UPF2: variants seen among roughly 807,000 people sequenced by gnomAD.
UPF2 encodes the protein regulator of nonsense transcripts 2.
In UPF2, 17 loss-of-function variants were observed where a neutral mutation model predicts 141.4. That is an observed-to-expected ratio of 0.12 (90% CI 0.08 to 0.18). The LOEUF is 0.18. UPF2 is among the 10% of genes least tolerant of loss of function. The pLI, the probability that UPF2 is intolerant of heterozygous loss-of-function variation, is 1.00. For synonymous variants in UPF2, 540 were observed against 498.0 expected, an observed-to-expected ratio of 1.08 and a Z score of -1.12; for missense variants, 1,152 against 1,515.9, an observed-to-expected ratio of 0.76 and a Z score of 3.99.
At chr10:11,924,015 CATGT>C (rs1564332345) in intron 21 of UPF2, among the ~76,000 whole-genome samples, 1 of 152,096 alleles carries the variant, frequency 6.6e-6, no homozygotes, top group South Asian at 2.1e-4. Flanking sequence ...CCATCTAAGC[CATGT>C]AAGTATTAAC....
Position 12,028,843 on chromosome 10 carries a change from T to C in UPF2, c.1047A>G (p.Gln349=). Residue 349 remains glutamine (Q), a synonymous_variant, in exon 3 of 22, where the codon CAA becomes CAG. Transcript: ENST00000357604. ...CTTTTAAAAGATTCTGGAAGGGCTG[T>C]TGTTTCTCTGGACTAATTATCTCAC... is the stretch of plus-strand genomic sequence containing the variant. ...PPSEIISPEK[Q]QPFQNLLKEY... The C allele has an allele frequency of 6.2e-7, 1 of 1,614,234 alleles. No individual in the cohort carries two copies. The highest frequency in any genetic ancestry group is 8.5e-7 in the Non-Finnish European group (1 of 1,180,034).
intron 12 of UPF2, among the ~76,000 whole-genome samples, chr10:11,958,633 C>T (rs1833192568): frequency 6.6e-6 from 1 of 152,190 alleles, no homozygotes; most frequent in Admixed American, 6.5e-5. Flanking sequence ...TTCAACATAT[C>T]TTACTTAAAA....
chr10:11,995,864 G>C (rs1833856755), intron 8 of UPF2, among the ~76,000 whole-genome samples: 2 of 152,078 alleles, frequency 1.3e-5, no homozygotes, highest in Non-Finnish European at 2.9e-5. Flanking sequence ...GCCTCTGTCA[G>C]CAATGCTCTC....
intron 21 of UPF2, among the ~76,000 whole-genome samples, chr10:11,924,547 C>T (rs552887132): frequency 6.6e-6 from 1 of 151,516 alleles, no homozygotes; most frequent in Admixed American, 6.6e-5. Flanking sequence ...CACTGCACTC[C>T]AGCCTGGGTA....
intron 16 of UPF2, 82 bp from the exon 17 acceptor site, chr10:11,943,250 T>C: frequency 8.6e-7 from 1 of 1,169,048 alleles, no homozygotes; most frequent in Non-Finnish European, 1.2e-6. Context: ...ATTTCAAAAC[T>C]TCTGTATAAT....
At chr10:12,017,165 G>A (rs1013562222) in intron 3 of UPF2, among the ~76,000 whole-genome samples, 1 of 151,974 alleles carries the variant, frequency 6.6e-6, no homozygotes, top group African/African-American at 2.4e-5. Context: ...TATATTAAAG[G>A]GATAATACTG....
At chr10:11,923,526 C>G (rs1832672107) in intron 21 of UPF2, among the ~76,000 whole-genome samples, 1 of 152,030 alleles carries the variant, frequency 6.6e-6, no homozygotes, top group Non-Finnish European at 1.5e-5. Flanking sequence ...ACTAGAAATA[C>G]AAAAATTAGC....
rs902803109 is a variant in UPF2, at chr10:11,935,926, G to A, written c.3546+619C>T. On this transcript the variant is annotated intron_variant, in intron 19 of 21. Transcript: ENST00000357604. The surrounding 1 kb of genome is among the most constrained non-coding windows in gnomAD (Gnocchi z 4.9). The stretch of plus-strand genomic sequence containing the variant: ...AGAATGGAGAGGGATATGGAGAAGG[G>A]TTGGTGTGATTTTCAACTGACGGCA... Among the ~76,000 whole-genome samples the A allele has an allele frequency of 6.6e-6, 1 of 152,178 alleles. No homozygotes were observed. Among genetic ancestry groups the A allele is most frequent in the Non-Finnish European group, 1.5e-5 (1 of 68,038 alleles).
Position 12,019,391 on chromosome 10 carries a change from T to A in UPF2, c.1146-5207A>T, listed in dbSNP as rs1019847702. Among the ~76,000 whole-genome samples, 2 of 152,228 alleles carry A rather than the reference T, an allele frequency of 1.3e-5. No homozygotes were observed. Among genetic ancestry groups the A allele is most frequent in the Admixed American group, 6.5e-5 (1 of 15,274 alleles). On this transcript the variant is annotated intron_variant, in intron 3 of 21. Transcript: ENST00000357604. This position sits in a 1 kb window ranked among gnomAD's most constrained non-coding sequence, Gnocchi z 4.5. ...CTACTTTTGACTATTTTTCAACCATTTAAAAAAGTAAAAACCATTCTTAGG... is the reference window on the plus strand; with the variant it reads ...CTACTTTTGACTATTTTTCAACCATATAAAAAAGTAAAAACCATTCTTAGG...
chr10:12,015,531 G>A (rs766152051), intron 3 of UPF2, among the ~76,000 whole-genome samples: 15 of 152,034 alleles, frequency 9.9e-5, no homozygotes, highest in Admixed American at 2.6e-4. Context: ...GCAAAACCTC[G>A]TCTCTACTAA....
Position 11,936,702 on chromosome 10 carries a change from C to G in UPF2, c.3389G>C (p.Gly1130Ala). ...TAGTTGGTGCACTTTAACAGATTCA[C>G]CACTTCGTTGCTAAAAGAAATTAAA... ...MMLENLQQRSGESVKVHQLDV... is the reference protein window; with the variant it reads ...MMLENLQQRSAESVKVHQLDV... Residue 1130 changes from glycine to alanine, a missense_variant, in exon 19 of 22, where the codon GGT becomes GCT. Gly to Ala is a moderately conservative substitution (Grantham distance 60, BLOSUM62 0). Transcript: ENST00000357604. This position sits in a 1 kb window ranked among gnomAD's most constrained non-coding sequence, Gnocchi z 6.6. 6.2e-7 allele frequency: 1 copy of G among 1,604,184 alleles called. No homozygotes were observed. Among genetic ancestry groups the G allele is most frequent in the Non-Finnish European group, 8.5e-7 (1 of 1,175,940 alleles).
intron 11 of UPF2, 72 bp downstream of exon 11, chr10:11,963,937 C>A: frequency 9.4e-7 from 1 of 1,060,662 alleles, no homozygotes; most frequent in Non-Finnish European, 1.4e-6. Flanking sequence ...CAGCACTGGT[C>A]AATATTTTCA....
In UPF2 at chr10:12,030,429, G is replaced by A. The variant is rs533725812; in HGVS notation, c.366-905C>T. Among the ~76,000 whole-genome samples, 9 of 152,126 alleles carry A rather than the reference G, an allele frequency of 5.9e-5. No homozygotes were observed. The South Asian group carries it at 1.7e-3, about 28-fold the overall frequency. ...GGCACCTGTAATCTCAGCTACTTGG[G>A]AGGCTGAGGCAGGAGAATTGCTTAA... On this transcript the variant is annotated intron_variant, in intron 2 of 21. Transcript: ENST00000357604.
At chr10:11,924,568 A>G (rs1832687028) in intron 21 of UPF2, among the ~76,000 whole-genome samples, 1 of 140,580 alleles carries the variant, frequency 7.1e-6, no homozygotes, top group Non-Finnish European at 1.5e-5. Context: ...ACAGAGCAAC[A>G]TGTCGTCTCA....
rs112848643 is a variant in UPF2, at chr10:12,005,768, G to A, written c.1307-1041C>T. On this transcript the variant is annotated intron_variant, in intron 4 of 21. Transcript: ENST00000357604. ...TTATTTTTAGTAGAGATGGGGTTTC[G>A]CCATGTTGGCCAGGTTGGTCTCAAA... is the stretch of plus-strand genomic sequence containing the variant. 1.9e-3 allele frequency among the ~76,000 whole-genome samples: 292 copies of A among 151,758 alleles called. 2 individuals carry two copies. Among genetic ancestry groups the A allele is most frequent in the African/African-American group, 6.0e-3 (250 of 41,354 alleles).
At chr10:12,037,757 T>C (rs954535678) in intron 1 of UPF2, among the ~76,000 whole-genome samples, 3 of 152,090 alleles carry the variant, frequency 2.0e-5, no homozygotes, top group African/African-American at 4.8e-5. Context: ...AGGTTTTAAA[T>C]TACAGCACTT....
Position 12,004,633 on chromosome 10 carries a change from A to C in UPF2, c.1401T>G (p.Phe467Leu), listed in dbSNP as rs1414364450. The change falls in exon 5 of 22, where the codon TTT becomes TTG. Residue 467 changes from phenylalanine to leucine, a missense_variant. Physicochemically the swap from Phe to Leu is conservative, Grantham distance 22 (BLOSUM62 0). This residue lies in a region of UPF2 where 739 missense variants were observed against 1,032.2 expected (regional missense o/e 0.72). Coordinates refer to ENST00000357604, the MANE Select transcript of UPF2 (RefSeq NM_015542.4). ...GIWEDEDARNFYENLIDLKAF... is the reference protein window; with the variant it reads ...GIWEDEDARNLYENLIDLKAF... ...CCTTCAAATCAATGAGGTTCTCATA[A>C]AAATTCCGAGCATCTTCATCTTCCC... is the stretch of plus-strand genomic sequence containing the variant. 4.3e-6 allele frequency: 7 copies of C among 1,613,778 alleles called. No homozygotes were observed. Among genetic ancestry groups the C allele is most frequent in the Non-Finnish European group, 5.9e-6 (7 of 1,179,924 alleles).
intron 11 of UPF2, among the ~76,000 whole-genome samples, chr10:11,963,572 A>G (rs753088658): frequency 2.0e-5 from 3 of 152,232 alleles, no homozygotes; most frequent in Non-Finnish European, 4.4e-5. Context: ...AAGTGCTGGG[A>G]ATACAGGCGT....
Position 11,936,878 on chromosome 10 carries a change from A to C in UPF2, c.3379-166T>G, listed in dbSNP as rs1832858228. 6.6e-6 allele frequency among the ~76,000 whole-genome samples: 1 copy of C among 152,244 alleles called. No homozygotes were observed. The highest frequency in any genetic ancestry group is 1.5e-5 in the Non-Finnish European group (1 of 68,042). On this transcript the variant is annotated intron_variant, in intron 18 of 21. Transcript: ENST00000357604. This position sits in a 1 kb window ranked among gnomAD's most constrained non-coding sequence, Gnocchi z 6.6. ...CCATAATACTCTTTCTGAAACGTGG[A>C]TAAATCTAGGGAGTATTTCTCCCTC...
Sources: gnomAD v4.1 joint callset for allele counts (sites outside exome capture counted in the v4.1 genomes callset) on GRCh38, gnomAD v4.1.1 for gene constraint, gnomAD v4.1.1 regional missense constraint, Gnocchi (gnomAD v3.1) non-coding constraint, MANE v1.5 for transcripts, NCBI Gene and HGNC (gene_info 2026-07-23, HGNC 2026-07-21) for gene names.